The following SMARCA2 variants were observed in gnomAD, a reference collection of about 807,000 sequenced individuals.
SMARCA2 encodes SWI/SNF-related matrix-associated actin-dependent regulator of chromatin subfamily A member 2.
In SMARCA2, 61 loss-of-function variants were observed where a neutral mutation model predicts 199.8. That is an observed-to-expected ratio of 0.31 (90% CI 0.25 to 0.38). SMARCA2 has a LOEUF of 0.38. Ranked by LOEUF, SMARCA2 falls within the 10% of genes least tolerant of loss-of-function variation. The pLI is 1.00. For synonymous variants in SMARCA2, 935 were observed against 732.0 expected, an observed-to-expected ratio of 1.28 and a Z score of -4.48; for missense variants, 1,344 against 2,012.2, an observed-to-expected ratio of 0.67 and a Z score of 6.35.
chr9:2,058,161 C>G lies in SMARCA2; in HGVS notation c.1348-130C>G, dbSNP rs73638371. The G allele has an allele frequency of 4.3e-3, 3,423 of 792,740 alleles. 76 individuals carry two copies. The African/African-American group carries it at 0.048, about 11-fold the overall frequency. 49.1% of individuals were successfully genotyped at this position (792,740 alleles called of 1,614,324 possible). A position where few individuals can be genotyped will look rare whatever the true frequency, so the allele number is the denominator to read the frequency against. On this transcript the variant is annotated intron_variant, in intron 7 of 33. Coordinates refer to ENST00000349721, the MANE Select transcript of SMARCA2 (RefSeq NM_003070.5). ...CTGCAGAGACACCAGGGCACCTATC[C>G]CCAAACAGATTCTAGTCTTCCTATG...
chr9:2,084,115 C>G lies in SMARCA2; in HGVS notation c.2445C>G (p.Val815=), dbSNP rs753039711. The change falls in exon 17 of 34, where the codon GTC becomes GTG. Residue 815 remains valine, a synonymous_variant. Transcript: ENST00000349721. The part of the protein sequence containing the change: ...KGTPAMRRSL[V]PQLRSGKFNV... The stretch of plus-strand genomic sequence containing the variant: ...CTCCTGCCATGCGTCGCTCCCTTGT[C>G]CCCCAGCTACGGAGTGGCAAATTCA... The G allele has an allele frequency of 1.2e-6, 2 of 1,611,700 alleles. No homozygotes were observed. Among genetic ancestry groups the G allele is most frequent in the South Asian group, 2.2e-5 (2 of 91,012 alleles).
chr9:2,184,833 G>T (rs919790153), intron 31 of SMARCA2, among the ~76,000 whole-genome samples: 2 of 151,316 alleles, frequency 1.3e-5, no homozygotes, highest in Non-Finnish European at 1.5e-5. Context: ...GGAAAATTCT[G>T]CCCTGATGGT....
At chr9:2,108,789 A>G (rs1286190196) in intron 23 of SMARCA2, among the ~76,000 whole-genome samples, 3 of 152,232 alleles carry the variant, frequency 2.0e-5, no homozygotes, top group Non-Finnish European at 4.4e-5. Context: ...ATAAAAGAAA[A>G]AAGAGCCCCA....
chr9:2,055,273 C>A (rs1451091000), intron 6 of SMARCA2, among the ~76,000 whole-genome samples: 1 of 152,218 alleles, frequency 6.6e-6, no homozygotes, highest in Non-Finnish European at 1.5e-5. Flanking sequence ...ATTGACTAAT[C>A]AGTAAATTAT....
intron 29 of SMARCA2, among the ~76,000 whole-genome samples, chr9:2,172,081 T>C (rs1389548839): frequency 2.0e-5 from 3 of 152,192 alleles, no homozygotes; most frequent in African/African-American, 7.2e-5. Context: ...TCTTGTCCCT[T>C]GCTGTCTGTC....
In SMARCA2 at chr9:2,104,314, T is replaced by A; in HGVS notation, c.3292+145T>A. 1 of 688,414 alleles carries A rather than the reference T, an allele frequency of 1.5e-6. No individual in the cohort carries two copies. Among genetic ancestry groups the A allele is most frequent in the Non-Finnish European group, 2.4e-6 (1 of 422,246 alleles). The allele number at this position is 688,414 out of a possible 1,614,324, so 42.6% of individuals were successfully genotyped here. On this transcript the variant is annotated intron_variant, in intron 23 of 33. Coordinates refer to ENST00000349721, the MANE Select transcript of SMARCA2 (RefSeq NM_003070.5). This position sits in a 1 kb window ranked among gnomAD's most constrained non-coding sequence, Gnocchi z 4.0. ...TGGGAGCAGTTTTTCTAGATAGCAA[T>A]TTTTTGCATCCTTAAGCTTTAAATA...
chr9:2,082,306 GGTGTGTGT>G lies in SMARCA2; in HGVS notation c.2348+349_2348+356del, dbSNP rs3057852. Among the ~76,000 whole-genome samples the G allele has an allele frequency of 3.0e-3, 370 of 121,854 alleles. 8 individuals are homozygous for G. In the East Asian group the frequency reaches 0.069, roughly 23 times the overall value. 79.9% of individuals were successfully genotyped at this position (121,854 alleles called of 152,430 possible). The stretch of plus-strand genomic sequence containing the variant: ...CCTTAAGTGGCTCACAAAGGGGAAA[GGTGTGTGT>G]GTGTGTGTGTGTGTGTGTGTGTGTG... On this transcript the variant is annotated intron_variant, in intron 15 of 33. Transcript: ENST00000349721.
At chr9:2,157,820 C>G (rs901381762) in intron 27 of SMARCA2, 1 of 398,174 alleles carries the variant, frequency 2.5e-6, no homozygotes, top group Non-Finnish European at 4.4e-6. Context: ...ATTCTTTACA[C>G]CACCGGGTTG....
chr9:2,127,140 C>T (rs995390136), intron 27 of SMARCA2, among the ~76,000 whole-genome samples: 6 of 152,168 alleles, frequency 3.9e-5, no homozygotes, highest in Non-Finnish European at 4.4e-5. Flanking sequence ...ATATTAATTG[C>T]ACTTTTAATT....
At chr9:2,100,747 A>G (rs1822473861) in intron 21 of SMARCA2, among the ~76,000 whole-genome samples, 1 of 152,036 alleles carries the variant, frequency 6.6e-6, no homozygotes, top group African/African-American at 2.4e-5. Context: ...GAATTATAAT[A>G]TATTATATAA....
intron 27 of SMARCA2, among the ~76,000 whole-genome samples, chr9:2,130,254 C>G (rs1052306688): frequency 1.3e-5 from 2 of 152,246 alleles, no homozygotes; most frequent in Non-Finnish European, 2.9e-5. Flanking sequence ...AGGCTCTCCT[C>G]CTTGCCTTCC....
At chr9:2,027,116 C>G (rs1818865957) in intron 1 of SMARCA2, among the ~76,000 whole-genome samples, 1 of 152,198 alleles carries the variant, frequency 6.6e-6, no homozygotes, top group Non-Finnish European at 1.5e-5. Context: ...GAACACAACT[C>G]AAACACTGAT....
At position 2,179,172 on chromosome 9, in the gene SMARCA2, A is replaced by C. The variant is rs571602702; in HGVS notation, c.4254-2399A>C. Among the ~76,000 whole-genome samples the C allele has an allele frequency of 5.9e-5, 9 of 152,202 alleles. No individual in the cohort carries two copies. The South Asian group carries it at 1.9e-3, about 32-fold the overall frequency. On this transcript the variant is annotated intron_variant, in intron 29 of 33. Coordinates refer to ENST00000349721, the MANE Select transcript of SMARCA2 (RefSeq NM_003070.5). ...GTCATAAAGAGGGGATTGCCCATGA[A>C]AGTTGGGGGTACACAGTAGAGACTC...
intron 31 of SMARCA2, among the ~76,000 whole-genome samples, chr9:2,185,135 T>C (rs1193344595): frequency 2.6e-5 from 4 of 152,198 alleles, no homozygotes; most frequent in African/African-American, 9.7e-5. Context: ...TCAGAACTTT[T>C]TAATCTTGCG....
rs778809742 is a variant in SMARCA2, at chr9:2,104,879, G to C, written c.3292+710G>C. ...GTATCAGCATTTATACACAATGGAA[G>C]GGCATAAATATGGCATTCAAAGAGT... is the stretch of plus-strand genomic sequence containing the variant. On this transcript the variant is annotated intron_variant, in intron 23 of 33. Transcript: ENST00000349721. This position sits in a 1 kb window ranked among gnomAD's most constrained non-coding sequence, Gnocchi z 4.0. Among the ~76,000 whole-genome samples, 9 of 152,272 alleles carry C rather than the reference G, an allele frequency of 5.9e-5. No homozygotes were observed. In the East Asian group the frequency reaches 1.7e-3, roughly 29 times the overall value.
At chr9:2,035,002 A>G (rs1239601357) in intron 3 of SMARCA2, among the ~76,000 whole-genome samples, 2 of 147,582 alleles carry the variant, frequency 1.4e-5, no homozygotes, top group African/African-American at 2.5e-5. Flanking sequence ...TGGAGCTAAT[A>G]TAAGCCTTTA....
intron 27 of SMARCA2, chr9:2,158,793 C>G (rs747366534): frequency 1.1e-5 from 6 of 571,130 alleles, no homozygotes; most frequent in East Asian, 3.2e-5. Context: ...TAATCTTACT[C>G]TACTCTTTAT....
chr9:2,139,435 T>C (rs1327578297), intron 27 of SMARCA2, among the ~76,000 whole-genome samples: 1 of 152,162 alleles, frequency 6.6e-6, no homozygotes, highest in East Asian at 1.9e-4. Flanking sequence ...GCCACAAGAC[T>C]GGTCGAGTCA....
chr9:2,137,273 T>G (rs894167597), intron 27 of SMARCA2, among the ~76,000 whole-genome samples: 1 of 152,086 alleles, frequency 6.6e-6, no homozygotes. Flanking sequence ...CCCAGAGAGG[T>G]CAGTGGGAAC....
Sources: gnomAD v4.1 joint callset for allele counts (sites outside exome capture counted in the v4.1 genomes callset) on GRCh38, gnomAD v4.1.1 for gene constraint, Gnocchi (gnomAD v3.1) non-coding constraint, MANE v1.5 for transcripts, NCBI Gene and HGNC (gene_info 2026-07-23, HGNC 2026-07-21) for gene names.